The following HECTD4 variants were observed in gnomAD, a reference collection of about 807,000 sequenced individuals.
HECTD4 encodes probable E3 ubiquitin-protein ligase HECTD4.
Under a neutral mutation model 471.5 loss-of-function variants are expected in HECTD4, and 114 were observed. The observed-to-expected ratio is 0.24, with a 90% confidence interval of 0.21 to 0.28. The LOEUF (loss-of-function observed/expected upper bound fraction) is 0.28. Among genes scored for constraint, HECTD4 ranks in the 10% least tolerant of loss-of-function variants. The pLI is 1.00. For missense variants in HECTD4, 3,866 were observed against 5,651.5 expected, an observed-to-expected ratio of 0.68 and a Z score of 10.13; for synonymous variants, 2,012 against 2,256.0, an observed-to-expected ratio of 0.89 and a Z score of 3.07.
intron 29 of HECTD4, among the ~76,000 whole-genome samples, chr12:112,244,778 C>G (rs1051781619): frequency 6.6e-6 from 1 of 152,210 alleles, no homozygotes. Context: ...TTAATGATAC[C>G]TCTGCTTTGA....
intron 45 of HECTD4, among the ~76,000 whole-genome samples, chr12:112,217,902 C>A (rs1212191301): frequency 6.6e-6 from 1 of 152,084 alleles, no homozygotes; most frequent in African/African-American, 2.4e-5. Context: ...AGTTGTCTTG[C>A]TTTCTCAGTT....
rs1593886265 is a variant in HECTD4 at position 112,167,150 on chromosome 12, CTG to C, written c.12534+165_12534+166del. 5 of 570,976 alleles carry C rather than the reference CTG, an allele frequency of 8.8e-6. No homozygotes were observed. The East Asian group carries it at 1.6e-4, about 18-fold the overall frequency. The allele number at this position is 570,976 out of a possible 1,614,324, so 35.4% of individuals were successfully genotyped here. On this transcript the variant is annotated intron_variant, in intron 72 of 75. Coordinates refer to ENST00000682272, the MANE Select transcript of HECTD4 (RefSeq NM_001388303.1). ...CAGCAGGGAGGGAGGCCAGAGGCCT[CTG>C]TCCCCATGAAATAAGCCTTCCTGGC...
intron 40 of HECTD4, 76 bp downstream of exon 40, chr12:112,230,611 C>T (rs2033356123): frequency 2.7e-6 from 4 of 1,466,292 alleles, no homozygotes; most frequent in South Asian, 2.8e-5. Flanking sequence ...TACTGAAATG[C>T]CCCTTGCTGG....
chr12:112,182,743 G>A (rs2031722864), intron 62 of HECTD4, among the ~76,000 whole-genome samples: 1 of 152,266 alleles, frequency 6.6e-6, no homozygotes, highest in Admixed American at 6.5e-5. Flanking sequence ...GCAGGCCTGT[G>A]GCAGGGGCTG....
rs556680180 is a variant in HECTD4 at position 112,264,077 on chromosome 12, T to C, written c.2748+7A>G. 1.4e-5 allele frequency: 22 copies of C among 1,607,720 alleles called. No individual in the cohort carries two copies. In the Admixed American group the frequency reaches 2.0e-4, roughly 15 times the overall value. ...AACGCATCGTTAAAATAAAGCTTGG[T>C]GTTTACCTGTACCTTCAATGTCTCT... On this transcript the variant is annotated splice_region_variant and intron_variant, in intron 17 of 75. Coordinates refer to ENST00000682272, the MANE Select transcript of HECTD4 (RefSeq NM_001388303.1).
At chr12:112,271,837 T>C (rs999892648) in intron 11 of HECTD4, among the ~76,000 whole-genome samples, 2 of 152,206 alleles carry the variant, frequency 1.3e-5, no homozygotes, top group African/African-American at 4.8e-5. Flanking sequence ...ATCATAGTCA[T>C]CATACTTGCC....
chr12:112,233,213 G>GC (rs2033424110), intron 37 of HECTD4, 128 bp from the exon 38 acceptor site: 1 of 335,892 alleles, frequency 3.0e-6, no homozygotes, highest in Non-Finnish European at 5.4e-6. Flanking sequence ...ACTAACATTA[G>GC]CTTTTTTTTT....
At chr12:112,332,261 G>A (rs944178877) in intron 1 of HECTD4, among the ~76,000 whole-genome samples, 7 of 152,034 alleles carry the variant, frequency 4.6e-5, no homozygotes, top group African/African-American at 1.2e-4. Context: ...GGCAGGGCGC[G>A]GTGGCTCACA....
intron 1 of HECTD4, among the ~76,000 whole-genome samples, chr12:112,344,300 G>A (rs1377678581): frequency 1.3e-5 from 2 of 152,186 alleles, no homozygotes; most frequent in Non-Finnish European, 2.9e-5. Context: ...AGAATGTCCT[G>A]TTTTAGCAAA....
chr12:112,170,565 A>G lies in HECTD4; in HGVS notation c.11933-113T>C, dbSNP rs2031175701. The G allele has an allele frequency of 3.6e-6, 5 of 1,401,566 alleles. No homozygotes were observed. The Admixed American group carries it at 6.0e-5, about 17-fold the overall frequency. The allele number at this position is 1,401,566 out of a possible 1,614,324, so 86.8% of individuals were successfully genotyped here. A position where few individuals can be genotyped will look rare whatever the true frequency, so the allele number is the denominator to read the frequency against. On this transcript the variant is annotated intron_variant, in intron 68 of 75. Transcript: ENST00000682272. ...TGGCACTCTCAGGCCCCCTGGTGGC[A>G]GTAGAGCCGGGCCCTGACTGTGGAG...
Position 112,324,220 on chromosome 12 carries a change from G to C in HECTD4, c.178-4478C>G, listed in dbSNP as rs184679457. 3.8e-3 allele frequency among the ~76,000 whole-genome samples: 570 copies of C among 149,764 alleles called. 2 individuals are homozygous for C. Among genetic ancestry groups the C allele is most frequent in the Non-Finnish European group, 5.0e-3 (335 of 67,566 alleles). On this transcript the variant is annotated intron_variant, in intron 1 of 75. Transcript: ENST00000682272. Reference sequence around the variant, plus strand: ...GCCTCAAGCTTCCCAGGCTCAGGTGGTCAATCATCCCACCTCAGCCTCCTG... The same window carrying C: ...GCCTCAAGCTTCCCAGGCTCAGGTGCTCAATCATCCCACCTCAGCCTCCTG...
At chr12:112,170,831 G>C (rs1251939958) in intron 68 of HECTD4, 2 of 470,494 alleles carry the variant, frequency 4.3e-6, no homozygotes, top group Non-Finnish European at 7.5e-6. Flanking sequence ...GGGATGTAGG[G>C]ATGTGGAGGC....
intron 11 of HECTD4, among the ~76,000 whole-genome samples, chr12:112,272,349 C>A (rs997025664): frequency 6.6e-6 from 1 of 152,206 alleles, no homozygotes; most frequent in Non-Finnish European, 1.5e-5. Context: ...AGCGCCTAGC[C>A]TCATTTATTT....
In HECTD4 at chr12:112,283,294, A is replaced by G; in HGVS notation, c.1344T>C (p.Asn448=). 2 of 1,609,172 alleles carry G rather than the reference A, an allele frequency of 1.2e-6. No individual in the cohort carries two copies. The highest frequency in any genetic ancestry group is 2.7e-5 in the African/African-American group (2 of 74,790). Residue 448 remains asparagine, a synonymous_variant, in exon 8 of 76, where the codon AAT becomes AAC. Coordinates refer to ENST00000682272, the MANE Select transcript of HECTD4 (RefSeq NM_001388303.1). ...FMDIFELVVE[N]GVFVANPLQE... is the part of the protein sequence containing the mutation. ...GAAGTGGGTTGGCTACAAATACACC[A>G]TTTTCAACCTAACATAGAAAAAAAG...
intron 1 of HECTD4, among the ~76,000 whole-genome samples, chr12:112,352,049 GC>G (rs1566121236): frequency 1.3e-5 from 2 of 152,180 alleles, no homozygotes; most frequent in African/African-American, 4.8e-5. Context: ...TCATATAAAT[GC>G]ATATGCAGTT....
chr12:112,283,337 T>C lies in HECTD4; in HGVS notation c.1336-35A>G, dbSNP rs965837430. The C allele has an allele frequency of 5.9e-6, 9 of 1,521,904 alleles. No homozygotes were observed. In the Admixed American group the frequency reaches 8.0e-5, roughly 13 times the overall value. 94.3% of individuals were successfully genotyped at this position (1,521,904 alleles called of 1,614,324 possible). A position where few individuals can be genotyped will look rare whatever the true frequency, so the allele number is the denominator to read the frequency against. ...AAAAAAAGGAGGTCCTAAAATGATA[T>C]CTGTTTCCATTTAGTTAGCAAATTT... On this transcript the variant is annotated intron_variant, in intron 7 of 75. Coordinates refer to ENST00000682272, the MANE Select transcript of HECTD4 (RefSeq NM_001388303.1).
intron 29 of HECTD4, among the ~76,000 whole-genome samples, chr12:112,244,509 C>T (rs1487081590): frequency 6.6e-6 from 1 of 152,178 alleles, no homozygotes; most frequent in Admixed American, 6.6e-5. Context: ...GCTGCGATTA[C>T]AGGCGTGCAC....
intron 7 of HECTD4, among the ~76,000 whole-genome samples, chr12:112,290,328 TAATCAATC>T (rs1041920814): frequency 7.3e-6 from 1 of 136,696 alleles, no homozygotes; most frequent in Non-Finnish European, 1.5e-5. Context: ...TCAAAAAAAA[TAATCAATC>T]AATCAATCAA....
intron 1 of HECTD4, among the ~76,000 whole-genome samples, chr12:112,357,236 A>G (rs899938964): frequency 3.9e-5 from 6 of 152,226 alleles, no homozygotes; most frequent in Non-Finnish European, 5.9e-5. Context: ...TCACACCAAC[A>G]GAGTAGCTAA....
Sources: allele counts gnomAD v4.1 joint callset (sites outside exome capture counted in the v4.1 genomes callset), GRCh38; gene constraint gnomAD v4.1.1; transcripts MANE v1.5; gene names NCBI Gene and HGNC (gene_info 2026-07-23, HGNC 2026-07-21).